ITGAL: variants seen among roughly 807,000 people sequenced by gnomAD.
ITGAL encodes integrin alpha-L.
Under a neutral mutation model 138.4 loss-of-function variants are expected in ITGAL, and 68 were observed. The observed-to-expected ratio is 0.49, with a 90% CI of 0.40 to 0.60. ITGAL has a LOEUF of 0.60. Ranked by LOEUF, ITGAL falls within the 20% of genes least tolerant of loss-of-function variation. ITGAL has a pLI of 0.00. For missense variants in ITGAL, 1,256 were observed against 1,478.6 expected, an observed-to-expected ratio of 0.85 and a Z score of 2.47; for synonymous variants, 561 against 584.3, an observed-to-expected ratio of 0.96 and a Z score of 0.57.
intron 21 of ITGAL, among the ~76,000 whole-genome samples, chr16:30,507,892 T>A (rs1005499058): frequency 6.6e-6 from 1 of 152,092 alleles, no homozygotes; most frequent in African/African-American, 2.4e-5. Flanking sequence ...TTTATTTTTT[T>A]ATTTTCTTTA....
rs970124978 is a variant in ITGAL at position 30,496,623 on chromosome 16, T to A, written c.1832+57T>A. On this transcript the variant is annotated intron_variant, in intron 15 of 30. Coordinates refer to ENST00000356798, the MANE Select transcript of ITGAL (RefSeq NM_002209.3). ...ACCCCAGCTCTTATCCTGTTTTGTT[T>A]ATATTTTATTTTATTTATTTATTTT... The A allele has an allele frequency of 1.6e-4, 238 of 1,447,122 alleles. 2 individuals are homozygous for A. The highest frequency in any genetic ancestry group is 3.8e-5 in the Non-Finnish European group (42 of 1,097,998). 89.6% of individuals were successfully genotyped at this position (1,447,122 alleles called of 1,614,324 possible).
chr16:30,484,768 A>G (rs1343947209), intron 9 of ITGAL, among the ~76,000 whole-genome samples: 1 of 151,756 alleles, frequency 6.6e-6, no homozygotes, highest in Non-Finnish European at 1.5e-5. Flanking sequence ...AAAATACAAA[A>G]ATTAGCTGGG....
chr16:30,475,452 G>A (rs2050456917), intron 3 of ITGAL, 52 bp downstream of exon 3: 1 of 1,598,270 alleles, frequency 6.3e-7, no homozygotes, highest in Admixed American at 1.7e-5. Context: ...GGAAACTGAG[G>A]CTGGCCCCAG....
intron 26 of ITGAL, 103 bp downstream of exon 26, chr16:30,517,189 C>T: frequency 2.7e-6 from 2 of 743,772 alleles, no homozygotes; most frequent in Non-Finnish European, 4.5e-6. Flanking sequence ...GGTGGCTCTG[C>T]CTCCCAAATC....
chr16:30,515,806 T>C (rs2051157955), intron 25 of ITGAL, among the ~76,000 whole-genome samples: 1 of 152,120 alleles, frequency 6.6e-6, no homozygotes, highest in African/African-American at 2.4e-5. Flanking sequence ...ACCCCATCTC[T>C]ACTAAAAATA....
Position 30,483,914 on chromosome 16 carries a change from T to C in ITGAL, c.810T>C (p.Ser270=). 6.2e-7 allele frequency: 1 copy of C among 1,614,078 alleles called. No individual in the cohort carries two copies. The highest frequency in any genetic ancestry group is 8.5e-7 in the Non-Finnish European group (1 of 1,179,974). ...TCACGGATGGGGAGGCCACTGACAG[T>C]GGCAACATCGATGCGGCCAAAGACA... ...IIITDGEATD[S]GNIDAAKDII... The change falls in exon 8 of 31, where the codon AGT becomes AGC. Residue 270 remains serine (S), a synonymous_variant. Coordinates refer to ENST00000356798, the MANE Select transcript of ITGAL (RefSeq NM_002209.3).
At chr16:30,514,419 G>A (rs931561968) in intron 25 of ITGAL, among the ~76,000 whole-genome samples, 6 of 152,070 alleles carry the variant, frequency 3.9e-5, no homozygotes, top group Admixed American at 1.3e-4. Context: ...TGGGATTACA[G>A]GCATGTGCCA....
intron 22 of ITGAL, 101 bp downstream of exon 22, chr16:30,510,572 A>G (rs1421958428): frequency 2.4e-5 from 18 of 747,914 alleles, no homozygotes; most frequent in Non-Finnish European, 4.1e-5. Context: ...GTGATTGTCA[A>G]GAAGGGTGTA....
At chr16:30,498,078 G>A (rs1418365068) in intron 15 of ITGAL, among the ~76,000 whole-genome samples, 2 of 151,798 alleles carry the variant, frequency 1.3e-5, no homozygotes, top group South Asian at 2.1e-4. Flanking sequence ...GCAGGGGGCT[G>A]TATACATCTT....
In ITGAL at chr16:30,489,078, C is replaced by T. The variant is rs1160939659; in HGVS notation, c.1007-4C>T. ...TCTCACCTGTTCTCTGCTTTGTTCC[C>T]CAGGCACAAGCAAACAGGACCTGAC... On this transcript the variant is annotated splice_region_variant and splice_polypyrimidine_tract_variant and intron_variant, in intron 9 of 30. Transcript: ENST00000356798. 2 of 1,612,884 alleles carry T rather than the reference C, an allele frequency of 1.2e-6. No individual in the cohort carries two copies. The highest frequency in any genetic ancestry group is 2.7e-5 in the African/African-American group (2 of 74,912).
chr16:30,484,177 C>G lies in ITGAL; in HGVS notation c.920C>G (p.Ala307Gly). Residue 307 changes from alanine to glycine, a missense_variant, in exon 9 of 31, where the codon GCG becomes GGG. Around this residue, in one of 3 missense-constraint regions of ITGAL, gnomAD observed 177 missense variants for 288.8 expected, o/e 0.61. Coordinates refer to ENST00000356798, the MANE Select transcript of ITGAL (RefSeq NM_002209.3). Reference sequence around the variant, plus strand: ...CTCCACAAATTTGCATCAAAACCCGCGAGCGAGTTTGTGAAAATTCTGGAC... The same window carrying G: ...CTCCACAAATTTGCATCAAAACCCGGGAGCGAGTTTGTGAAAATTCTGGAC... ...ETLHKFASKPASEFVKILDTF... is the reference protein window; with the variant it reads ...ETLHKFASKPGSEFVKILDTF... 1.9e-6 allele frequency: 3 copies of G among 1,614,084 alleles called. No homozygotes were observed. Among genetic ancestry groups the G allele is most frequent in the Non-Finnish European group, 2.5e-6 (3 of 1,180,006 alleles).
At chr16:30,516,633 G>A (rs551511768) in intron 25 of ITGAL, among the ~76,000 whole-genome samples, 15 of 152,166 alleles carry the variant, frequency 9.9e-5, no homozygotes, top group African/African-American at 3.4e-4. Flanking sequence ...ATCCTTTGCC[G>A]TCCTGCTGGG....
intron 28 of ITGAL, 26 bp downstream of exon 28, chr16:30,517,921 G>C (rs1169706912): frequency 6.2e-7 from 1 of 1,607,678 alleles, no homozygotes; most frequent in Non-Finnish European, 8.5e-7. Context: ...AAGAGATGTG[G>C]AGCTGCTGTG....
At chr16:30,520,218 G>C (rs555117969) in intron 30 of ITGAL, among the ~76,000 whole-genome samples, 1 of 152,280 alleles carries the variant, frequency 6.6e-6, no homozygotes, top group African/African-American at 2.4e-5. Flanking sequence ...TGGATCACGT[G>C]AGCCTGGGAG....
chr16:30,487,768 C>T (rs937015047), intron 9 of ITGAL, among the ~76,000 whole-genome samples: 2 of 147,384 alleles, frequency 1.4e-5, no homozygotes, highest in East Asian at 2.0e-4. Context: ...AGCAGTGGTG[C>T]GATCTTGGCT....
At chr16:30,496,013 C>A in intron 13 of ITGAL, 84 bp from the exon 14 acceptor site, 1 of 1,156,208 alleles carries the variant, frequency 8.6e-7, no homozygotes, top group Non-Finnish European at 1.3e-6. Flanking sequence ...CCCCATCTTA[C>A]GTTTCTTTAG....
At chr16:30,508,199 C>A (rs1017941370) in intron 21 of ITGAL, among the ~76,000 whole-genome samples, 2 of 147,506 alleles carry the variant, frequency 1.4e-5, no homozygotes, top group South Asian at 4.3e-4. Context: ...TGGGCCACCA[C>A]GCCCGGCCTA....
chr16:30,491,240 A>C (rs963439312), intron 11 of ITGAL, among the ~76,000 whole-genome samples: 2 of 151,596 alleles, frequency 1.3e-5, no homozygotes, highest in African/African-American at 4.9e-5. Flanking sequence ...GTCTCTATAA[A>C]AATGCAAAAA....
rs566041490 is a variant in ITGAL, at chr16:30,475,280, C to T, written c.165-26C>T. 8 of 1,563,748 alleles carry T rather than the reference C, an allele frequency of 5.1e-6. No individual in the cohort carries two copies. In the Admixed American group the frequency reaches 1.3e-4, roughly 26 times the overall value. ...GATGGGTACAGATCTGGGCCACTCCCTCTCACAGGTGAGATTTCTCACCAG... is the reference window on the plus strand; with the variant it reads ...GATGGGTACAGATCTGGGCCACTCCTTCTCACAGGTGAGATTTCTCACCAG... On this transcript the variant is annotated intron_variant, in intron 2 of 30. Coordinates refer to ENST00000356798, the MANE Select transcript of ITGAL (RefSeq NM_002209.3).
Sources: gnomAD v4.1 joint callset for allele counts (sites outside exome capture counted in the v4.1 genomes callset) on GRCh38, gnomAD v4.1.1 for gene constraint, gnomAD v4.1.1 regional missense constraint, MANE v1.5 for transcripts, NCBI Gene and HGNC (gene_info 2026-07-23, HGNC 2026-07-21) for gene names.